The following TFDP2 variants were observed in gnomAD, a reference collection of about 807,000 sequenced individuals.
TFDP2 encodes the protein transcription factor Dp-2 (E2F dimerization partner 2).
TFDP2 carries 17 observed loss-of-function variants against 59.3 expected under a neutral mutation model. That is an observed-to-expected ratio of 0.29 (90% confidence interval 0.20 to 0.43). The LOEUF (loss-of-function observed/expected upper bound fraction) is 0.43. TFDP2 is among the 20% of genes least tolerant of loss of function. TFDP2 has a pLI of 1.00. For missense variants in TFDP2, 391 were observed against 528.8 expected, an observed-to-expected ratio of 0.74 and a Z score of 2.56; for synonymous variants, 180 against 194.7, an observed-to-expected ratio of 0.92 and a Z score of 0.63.
chr3:142,016,686 T>C (rs1204507275), intron 3 of TFDP2, among the ~76,000 whole-genome samples: 1 of 152,238 alleles, frequency 6.6e-6, no homozygotes, highest in Non-Finnish European at 1.5e-5. Context: ...AAATTTCACC[T>C]GTCCCTTCAT....
chr3:142,123,636 A>G (rs977003547), intron 1 of TFDP2, among the ~76,000 whole-genome samples: 1 of 152,176 alleles, frequency 6.6e-6, no homozygotes, highest in African/African-American at 2.4e-5. Context: ...ACTTAATAGG[A>G]TTATATTTTA....
intron 1 of TFDP2, among the ~76,000 whole-genome samples, chr3:142,140,778 C>G (rs957391564): frequency 2.0e-5 from 3 of 152,180 alleles, no homozygotes; most frequent in South Asian, 4.1e-4. Flanking sequence ...GGGGCACCCA[C>G]CTGTATGAGG....
At chr3:142,022,361 A>G (rs1945683816) in intron 3 of TFDP2, among the ~76,000 whole-genome samples, 1 of 152,238 alleles carries the variant, frequency 6.6e-6, no homozygotes, top group Admixed American at 6.5e-5. Context: ...GGACTCTAGT[A>G]CACTGAACTT....
chr3:142,062,466 G>A (rs1267849200), intron 3 of TFDP2, among the ~76,000 whole-genome samples: 1 of 150,870 alleles, frequency 6.6e-6, no homozygotes, highest in Non-Finnish European at 1.5e-5. Flanking sequence ...GAGAGACAGC[G>A]GTTCTGATTC....
intron 1 of TFDP2, among the ~76,000 whole-genome samples, chr3:142,124,662 A>G (rs73236012): frequency 0.083 from 12,654 of 152,284 alleles, 655 homozygotes; most frequent in Middle Eastern, 0.14. Flanking sequence ...ATCTTTCTAA[A>G]TATGAAACCA....
intron 6 of TFDP2, among the ~76,000 whole-genome samples, chr3:141,989,910 T>C (rs957030567): frequency 3.3e-5 from 5 of 151,242 alleles, no homozygotes; most frequent in Admixed American, 6.6e-5. Flanking sequence ...ATTATTATTA[T>C]TGAGACAGAG....
chr3:142,035,358 T>C (rs995604178), intron 3 of TFDP2, among the ~76,000 whole-genome samples: 2 of 152,152 alleles, frequency 1.3e-5, no homozygotes, highest in South Asian at 2.1e-4. Context: ...TCTATCTTTT[T>C]ATGGCTGTCT....
At chr3:142,035,920 C>A (rs1287530900) in intron 3 of TFDP2, among the ~76,000 whole-genome samples, 2 of 152,326 alleles carry the variant, frequency 1.3e-5, no homozygotes, top group East Asian at 1.9e-4. Context: ...CTCAGGTATG[C>A]ATTTATCAGC....
chr3:141,977,089 C>CATATATATATATATAT (rs1275287133), intron 7 of TFDP2, among the ~76,000 whole-genome samples: 6 of 110,946 alleles, frequency 5.4e-5, no homozygotes, highest in African/African-American at 2.1e-4. Context: ...CAGTCATAGC[C>CATATATATATATATAT]ATATATATAT....
At chr3:142,134,101 C>CT (rs2062622859) in intron 1 of TFDP2, among the ~76,000 whole-genome samples, 1 of 151,244 alleles carries the variant, frequency 6.6e-6, no homozygotes, top group African/African-American at 2.4e-5. Context: ...GCAACTCCCT[C>CT]TAAGTACAGT....
At position 142,052,726 on chromosome 3, in the gene TFDP2, C is replaced by G. The variant is rs1947698917; in HGVS notation, c.82+40335G>C. ...AACTACTAGGCTGGGTAGTCTCCCT[C>G]CCAAGGGTAGTCCACCCCTCCCAAG... On this transcript the variant is annotated intron_variant, in intron 3 of 12. Coordinates refer to ENST00000489671, the MANE Select transcript of TFDP2 (RefSeq NM_001178139.2). Among the ~76,000 whole-genome samples the G allele has an allele frequency of 5.9e-5, 9 of 152,218 alleles. No homozygotes were observed. In the South Asian group the frequency reaches 1.9e-3, roughly 32 times the overall value.
chr3:142,021,202 A>T (rs1286489487), intron 3 of TFDP2, among the ~76,000 whole-genome samples: 2 of 152,196 alleles, frequency 1.3e-5, no homozygotes, highest in African/African-American at 4.8e-5. Context: ...AAGAGAAGAT[A>T]AAAAAGTTCA....
In TFDP2 at chr3:141,948,077, G is replaced by A. The variant is rs972217739; in HGVS notation, c.*4436C>T. On this transcript the variant is annotated 3_prime_UTR_variant, in exon 13 of 13. Coordinates refer to ENST00000489671, the MANE Select transcript of TFDP2 (RefSeq NM_001178139.2). ...CACAGTAGGTACTCAAATGCTTACTGAATGAAGGATGAAATCTTAAGATTC... is the reference window on the plus strand; with the variant it reads ...CACAGTAGGTACTCAAATGCTTACTAAATGAAGGATGAAATCTTAAGATTC... 3 of 152,250 alleles carry A rather than the reference G, an allele frequency of 2.0e-5. No individual in the cohort carries two copies. Among genetic ancestry groups the A allele is most frequent in the African/African-American group, 7.2e-5 (3 of 41,460 alleles). 9.4% of individuals were successfully genotyped at this position (152,250 alleles called of 1,614,324 possible). A position where few individuals can be genotyped will look rare whatever the true frequency, so the allele number is the denominator to read the frequency against.
intron 1 of TFDP2, among the ~76,000 whole-genome samples, chr3:142,118,262 C>T (rs1381781112): frequency 6.6e-6 from 1 of 152,154 alleles, no homozygotes; most frequent in South Asian, 2.1e-4. Context: ...AGAAGAAGCA[C>T]TCTCAAATTA....
chr3:142,118,255 A>C (rs2061912247), intron 1 of TFDP2, among the ~76,000 whole-genome samples: 1 of 152,236 alleles, frequency 6.6e-6, no homozygotes, highest in African/African-American at 2.4e-5. Context: ...CACTGGCAGA[A>C]GAAGCACTCT....
In TFDP2 at chr3:142,075,402, G is replaced by A. The variant is rs557336375; in HGVS notation, c.82+17659C>T. 3.9e-5 allele frequency among the ~76,000 whole-genome samples: 6 copies of A among 152,232 alleles called. No individual in the cohort carries two copies. The South Asian group carries it at 1.2e-3, about 32-fold the overall frequency. On this transcript the variant is annotated intron_variant, in intron 3 of 12. Transcript: ENST00000489671. ...AATTTCTCCCCTTTTGAGCCATCAT[G>A]TTTGCCTCAATCTCTGCCATCAAAT...
chr3:141,999,929 G>T (rs1006659789), intron 4 of TFDP2, among the ~76,000 whole-genome samples: 5 of 152,104 alleles, frequency 3.3e-5, no homozygotes, highest in African/African-American at 1.2e-4. Flanking sequence ...TAGAGACGGG[G>T]TTTCACCTTG....
chr3:142,007,425 C>A (rs1171370355), intron 3 of TFDP2, among the ~76,000 whole-genome samples: 1 of 152,108 alleles, frequency 6.6e-6, no homozygotes, highest in Non-Finnish European at 1.5e-5. Flanking sequence ...CAACTGACCA[C>A]CATATTTGTT....
At chr3:141,970,250 C>T (rs942825216) in intron 8 of TFDP2, 109 bp from the exon 9 acceptor site, 12 of 982,824 alleles carry the variant, frequency 1.2e-5, no homozygotes, top group South Asian at 2.7e-5. Flanking sequence ...GAAACTGAAC[C>T]CATTTTAACA....
Sources: gnomAD v4.1 joint callset for allele counts (sites outside exome capture counted in the v4.1 genomes callset) on GRCh38, gnomAD v4.1.1 for gene constraint, MANE v1.5 for transcripts, NCBI Gene and HGNC (gene_info 2026-07-23, HGNC 2026-07-21) for gene names.